Variants in TLL1 observed in about 807,000 individuals in gnomAD.
The protein encoded by TLL1 is tolloid-like protein 1.
Under a neutral mutation model 128.2 loss-of-function variants are expected in TLL1, and 49 were observed. That is an observed-to-expected ratio of 0.38 (90% CI 0.30 to 0.48). TLL1 has a LOEUF of 0.48. TLL1 is among the 20% of genes least tolerant of loss of function. The probability of loss-of-function intolerance (pLI) is 0.96; values close to 1 mark genes in which losing one functional copy is unlikely to be tolerated. For synonymous variants in TLL1, 454 were observed against 418.8 expected, an observed-to-expected ratio of 1.08 and a Z score of -1.03; for missense variants, 1,123 against 1,242.0, an observed-to-expected ratio of 0.90 and a Z score of 1.44.
intron 1 of TLL1, among the ~76,000 whole-genome samples, chr4:165,897,495 A>G (rs896770143): frequency 3.9e-5 from 6 of 151,926 alleles, no homozygotes; most frequent in South Asian, 4.1e-4. Flanking sequence ...CTTTTCCCCA[A>G]TGCTTGTTTT....
chr4:165,957,647 C>T lies in TLL1; in HGVS notation c.170-31734C>T, dbSNP rs190012668. Reference sequence around the variant, plus strand: ...CTGCACCATATTTGTAGACTTTTATCGCTCGTCCCCATCCTACTCTTCCAC... The same window carrying T: ...CTGCACCATATTTGTAGACTTTTATTGCTCGTCCCCATCCTACTCTTCCAC... On this transcript the variant is annotated intron_variant, in intron 1 of 20. Coordinates refer to ENST00000061240, the MANE Select transcript of TLL1 (RefSeq NM_012464.5). Among the ~76,000 whole-genome samples the T allele has an allele frequency of 4.3e-3, 649 of 151,598 alleles. 4 individuals are homozygous for T. Among genetic ancestry groups the T allele is most frequent in the African/African-American group, 0.014 (587 of 41,332 alleles).
chr4:165,949,448 TAATA>T, intron 1 of TLL1, among the ~76,000 whole-genome samples: 1 of 152,210 alleles, frequency 6.6e-6, no homozygotes, highest in East Asian at 1.9e-4. Flanking sequence ...AACTATGAAA[TAATA>T]AATGAGTATT....
At chr4:166,004,333 T>G (rs1737311603) in intron 6 of TLL1, among the ~76,000 whole-genome samples, 1 of 152,160 alleles carries the variant, frequency 6.6e-6, no homozygotes. Flanking sequence ...ATGATCAGTT[T>G]TGTTACAAAC....
intron 19 of TLL1, among the ~76,000 whole-genome samples, chr4:166,097,140 A>G (rs1455406952): frequency 6.6e-6 from 1 of 152,074 alleles, no homozygotes; most frequent in African/African-American, 2.4e-5. Flanking sequence ...GAAATTGTGG[A>G]AAAAAGTCCC....
intron 1 of TLL1, among the ~76,000 whole-genome samples, chr4:165,948,895 G>A (rs2110936087): frequency 6.6e-6 from 1 of 152,172 alleles, no homozygotes; most frequent in South Asian, 2.1e-4. Flanking sequence ...GAAGACTGTG[G>A]TAGACATAAT....
chr4:165,990,850 A>T (rs1012632346), intron 2 of TLL1, among the ~76,000 whole-genome samples: 9 of 152,020 alleles, frequency 5.9e-5, no homozygotes, highest in South Asian at 2.1e-4. Context: ...TTTGTTATGC[A>T]TAGTGACAAT....
At chr4:166,013,228 T>C (rs1229240101) in intron 7 of TLL1, among the ~76,000 whole-genome samples, 4 of 151,860 alleles carry the variant, frequency 2.6e-5, no homozygotes, top group African/African-American at 9.7e-5. Context: ...CTTCTCACCT[T>C]TATTTTTCTC....
Position 166,057,173 on chromosome 4 carries a change from CA to C in TLL1, c.1721-10del. 1 of 1,613,462 alleles carries C rather than the reference CA, an allele frequency of 6.2e-7. No individual in the cohort carries two copies. Among genetic ancestry groups the C allele is most frequent in the South Asian group, 1.1e-5 (1 of 91,064 alleles). On this transcript the variant is annotated splice_polypyrimidine_tract_variant and intron_variant, in intron 13 of 20. Coordinates refer to ENST00000061240, the MANE Select transcript of TLL1 (RefSeq NM_012464.5). The stretch of plus-strand genomic sequence containing the variant: ...TGTATAGTTGTTCTATAACTATGAC[CA>C]TTTTCATAGAGGAAGATGAGTGTGC...
chr4:166,047,430 C>A lies in TLL1; in HGVS notation c.1524+4011C>A, dbSNP rs577248288. ...CTGCCCTCCTTGGCCTCCCAAAGTG[C>A]TGGGATTACAGGTATGAGCCACCGC... On this transcript the variant is annotated intron_variant, in intron 12 of 20. Transcript: ENST00000061240. Among the ~76,000 whole-genome samples, 92 of 150,876 alleles carry A rather than the reference C, an allele frequency of 6.1e-4. 1 individual carries two copies. The highest frequency in any genetic ancestry group is 4.2e-4 in the South Asian group (2 of 4,782).
At chr4:165,910,350 A>C (rs571558139) in intron 1 of TLL1, among the ~76,000 whole-genome samples, 36 of 152,336 alleles carry the variant, frequency 2.4e-4, no homozygotes, top group Admixed American at 9.2e-4. Context: ...AATTATTAAT[A>C]ATGTGTATGT....
chr4:165,988,198 T>C (rs544634666), intron 1 of TLL1, among the ~76,000 whole-genome samples: 1 of 152,262 alleles, frequency 6.6e-6, no homozygotes, highest in African/African-American at 2.4e-5. Context: ...GTTACACTAA[T>C]ATATATGACG....
chr4:165,941,125 A>C (rs2110922777), intron 1 of TLL1, among the ~76,000 whole-genome samples: 1 of 152,094 alleles, frequency 6.6e-6, no homozygotes, highest in Middle Eastern at 3.4e-3. Context: ...CTTAAAATGG[A>C]TGCCTTCTTG....
intron 1 of TLL1, among the ~76,000 whole-genome samples, chr4:165,960,915 A>G (rs1735067792): frequency 6.6e-6 from 1 of 152,140 alleles, no homozygotes; most frequent in Non-Finnish European, 1.5e-5. Flanking sequence ...CTGGAACAAG[A>G]CAAGCATGCC....
In TLL1 at chr4:165,888,299, G is replaced by A. The variant is rs910613186; in HGVS notation, c.169+14226G>A. ...CTTTTTATCAAATTAGGAATTCTGT[G>A]TTTACTAAAAATGATATAATTATCC... is the stretch of plus-strand genomic sequence containing the variant. On this transcript the variant is annotated intron_variant, in intron 1 of 20. Coordinates refer to ENST00000061240, the MANE Select transcript of TLL1 (RefSeq NM_012464.5). Among the ~76,000 whole-genome samples, 73 of 152,118 alleles carry A rather than the reference G, an allele frequency of 4.8e-4. 1 individual carries two copies. The highest frequency in any genetic ancestry group is 1.7e-3 in the African/African-American group (70 of 41,510).
Position 166,083,686 on chromosome 4 carries a change from C to T in TLL1, c.2442+5656C>T, listed in dbSNP as rs1340681623. Among the ~76,000 whole-genome samples the T allele has an allele frequency of 5.9e-5, 4 of 68,318 alleles. 1 individual carries two copies. The highest frequency in any genetic ancestry group is 9.1e-5 in the Non-Finnish European group (2 of 21,910). 44.8% of individuals were successfully genotyped at this position (68,318 alleles called of 152,430 possible). On this transcript the variant is annotated intron_variant, in intron 18 of 20. Transcript: ENST00000061240. The stretch of plus-strand genomic sequence containing the variant: ...TTGCTTTATTTAACATAATGTCCTG[C>T]GGTTTCACCCATGTTGTTACAAATG...
intron 19 of TLL1, among the ~76,000 whole-genome samples, chr4:166,092,162 AT>A (rs1741805439): frequency 6.6e-6 from 1 of 152,160 alleles, no homozygotes; most frequent in Non-Finnish European, 1.5e-5. Context: ...AAAACACAGT[AT>A]AAAAACAATA....
At chr4:166,011,638 C>T (rs933272555) in intron 7 of TLL1, among the ~76,000 whole-genome samples, 1 of 151,130 alleles carries the variant, frequency 6.6e-6, no homozygotes, top group East Asian at 1.9e-4. Context: ...TTTATTTTTT[C>T]TCGTTGTCCT....
intron 7 of TLL1, among the ~76,000 whole-genome samples, chr4:166,010,744 C>T (rs114971751): frequency 0.02 from 2,943 of 150,848 alleles, 33 homozygotes; most frequent in Middle Eastern, 0.038. Flanking sequence ...TGAAGCTTTC[C>T]CCTTGTGTTT....
chr4:165,914,143 A>G (rs1349998386), intron 1 of TLL1, among the ~76,000 whole-genome samples: 1 of 152,006 alleles, frequency 6.6e-6, no homozygotes, highest in Non-Finnish European at 1.5e-5. Context: ...ACGCTTACCT[A>G]TTTTTCACAA....
Sources: allele counts gnomAD v4.1 joint callset (sites outside exome capture counted in the v4.1 genomes callset), GRCh38; gene constraint gnomAD v4.1.1; transcripts MANE v1.5; gene names NCBI Gene and HGNC (gene_info 2026-07-23, HGNC 2026-07-21).